Variants in PLEKHH2 observed in about 807,000 individuals in gnomAD.
The protein encoded by PLEKHH2 is pleckstrin homology domain-containing family H member 2.
A neutral mutation model predicts 187.9 loss-of-function variants in PLEKHH2; 129 were observed. That is an observed-to-expected ratio of 0.69 (90% CI 0.59 to 0.79). The LOEUF (loss-of-function observed/expected upper bound fraction) is 0.79, where lower values mean the gene tolerates loss of function less well. Among genes scored for constraint, PLEKHH2 ranks in the 30% least tolerant of loss-of-function variants. The pLI is 0.00. For missense variants in PLEKHH2, 2,076 were observed against 1,751.2 expected (o/e 1.19, Z -3.31); for synonymous variants, 686 against 605.6 (o/e 1.13, Z -1.95).
intron 2 of PLEKHH2, among the ~76,000 whole-genome samples, chr2:43,656,306 T>A (rs1407887657): frequency 1.3e-5 from 2 of 152,128 alleles, no homozygotes; most frequent in African/African-American, 4.8e-5. Context: ...ACAAAGCAAA[T>A]CTGTGTAATA....
intron 18 of PLEKHH2, 76 bp downstream of exon 18, chr2:43,729,821 T>C: frequency 1.1e-6 from 1 of 942,838 alleles, no homozygotes; most frequent in South Asian, 2.2e-5. Context: ...AATGGAGTTT[T>C]CACTTAATGG....
rs1672413900 is a variant in PLEKHH2 at position 43,761,156 on chromosome 2, A to G, written c.4072-1148A>G. ...CAGGGTTTTGTATATATGAGATGCT[A>G]GCAAGTTTTATTATATAAAATAACC... On this transcript the variant is annotated intron_variant, in intron 27 of 29. Coordinates refer to ENST00000282406, the MANE Select transcript of PLEKHH2 (RefSeq NM_172069.4). Among the ~76,000 whole-genome samples, 9 of 152,340 alleles carry G rather than the reference A, an allele frequency of 5.9e-5. No individual in the cohort carries two copies. The South Asian group carries it at 1.9e-3, about 32-fold the overall frequency.
At chr2:43,702,681 A>G (rs1181741802) in intron 8 of PLEKHH2, among the ~76,000 whole-genome samples, 1 of 152,064 alleles carries the variant, frequency 6.6e-6, no homozygotes, top group Non-Finnish European at 1.5e-5. Context: ...TTCAGGTTTC[A>G]AGGAAAAGAG....
At chr2:43,732,621 C>T (rs1440827981) in intron 19 of PLEKHH2, among the ~76,000 whole-genome samples, 1 of 152,196 alleles carries the variant, frequency 6.6e-6, no homozygotes, top group African/African-American at 2.4e-5. Flanking sequence ...GAATCCTAGC[C>T]TACAAGCTCT....
At chr2:43,637,765 G>A (rs1703183690) in intron 1 of PLEKHH2, among the ~76,000 whole-genome samples, 1 of 152,196 alleles carries the variant, frequency 6.6e-6, no homozygotes, top group Non-Finnish European at 1.5e-5. Context: ...CGCGCGGTCA[G>A]GGATGCCGCG....
chr2:43,693,432 A>G (rs1668920546), intron 4 of PLEKHH2, among the ~76,000 whole-genome samples: 1 of 152,204 alleles, frequency 6.6e-6, no homozygotes, highest in African/African-American at 2.4e-5. Context: ...TATTGGAATC[A>G]AGTAATCTAG....
intron 2 of PLEKHH2, among the ~76,000 whole-genome samples, chr2:43,670,532 A>T (rs62138791): frequency 6.6e-6 from 1 of 152,028 alleles, no homozygotes; most frequent in African/African-American, 2.4e-5. Flanking sequence ...TGTTCTATTC[A>T]TCTAATATGT....
In PLEKHH2 at chr2:43,700,005, G is replaced by A. The variant is rs759045219; in HGVS notation, c.1047G>A (p.Lys349=). ...TTGGCATAAAGAGACCAGAACACAA[G>A]AAGCTATATTCTTGGCAGCAGGAGG... ...ETFGIKRPEH[K]KLYSWQQEAQ... is the part of the protein sequence containing the mutation. The change falls in exon 8 of 30, where the codon AAG becomes AAA. Residue 349 remains lysine, a synonymous_variant. Transcript: ENST00000282406. 6.8e-6 allele frequency: 11 copies of A among 1,614,176 alleles called. No homozygotes were observed. The highest frequency in any genetic ancestry group is 9.3e-6 in the Non-Finnish European group (11 of 1,180,022).
At chr2:43,652,890 T>C (rs1459707353) in intron 2 of PLEKHH2, among the ~76,000 whole-genome samples, 1 of 152,092 alleles carries the variant, frequency 6.6e-6, no homozygotes, top group East Asian at 1.9e-4. Context: ...GGATAGTGCA[T>C]CCATGACACA....
intron 2 of PLEKHH2, among the ~76,000 whole-genome samples, chr2:43,646,359 C>G (rs113438927): frequency 3.9e-5 from 6 of 152,232 alleles, no homozygotes; most frequent in Middle Eastern, 3.4e-3. Context: ...TGATTTTTGT[C>G]AGGATCCACC....
intron 2 of PLEKHH2, among the ~76,000 whole-genome samples, chr2:43,660,628 C>A (rs1667025617): frequency 1.7e-5 from 2 of 118,396 alleles, no homozygotes; most frequent in South Asian, 3.2e-4. Context: ...CCTCCCCCCA[C>A]CCCACCACAG....
At chr2:43,760,786 C>T (rs1572673452) in intron 27 of PLEKHH2, among the ~76,000 whole-genome samples, 1 of 152,176 alleles carries the variant, frequency 6.6e-6, no homozygotes, top group East Asian at 1.9e-4. Flanking sequence ...TACCTAACTC[C>T]CCAGTCCTCC....
chr2:43,678,070 C>A (rs541030024), intron 2 of PLEKHH2, among the ~76,000 whole-genome samples: 4 of 150,868 alleles, frequency 2.7e-5, no homozygotes, highest in Admixed American at 1.3e-4. Flanking sequence ...ACCTCCCAGA[C>A]GGGGTCGCGG....
In PLEKHH2 at chr2:43,764,371, TA is replaced by T; in HGVS notation, c.4296+7del. 1.9e-6 allele frequency: 3 copies of T among 1,611,818 alleles called. No homozygotes were observed. The highest frequency in any genetic ancestry group is 2.5e-6 in the Non-Finnish European group (3 of 1,178,962). The stretch of plus-strand genomic sequence containing the variant: ...TTGCCATGGCAAAACCCAAGGTGAG[TA>T]GAAGCCTTTCTGCCAACTTTTTTGT... On this transcript the variant is annotated splice_region_variant and intron_variant, in intron 29 of 29. Coordinates refer to ENST00000282406, the MANE Select transcript of PLEKHH2 (RefSeq NM_172069.4).
intron 3 of PLEKHH2, chr2:43,680,717 TA>T (rs1204865340): frequency 2.4e-5 from 10 of 412,930 alleles, no homozygotes; most frequent in African/African-American, 2.1e-4. Flanking sequence ...GAAGGAAATT[TA>T]TCACTTGTAA....
chr2:43,761,991 A>G (rs78354019), intron 27 of PLEKHH2, among the ~76,000 whole-genome samples: 5,649 of 152,302 alleles, frequency 0.037, 148 homozygotes, highest in Non-Finnish European at 0.057. Flanking sequence ...TTAACGCAGA[A>G]GAAAAGTAAA....
At chr2:43,748,464 C>A (rs7570762) in intron 24 of PLEKHH2, among the ~76,000 whole-genome samples, 6,854 of 152,256 alleles carry the variant, frequency 0.045, 313 homozygotes, top group African/African-American at 0.11. Flanking sequence ...TAATCTGGAG[C>A]AGTAGTTCCC....
chr2:43,687,139 T>C (rs7581001), intron 3 of PLEKHH2, among the ~76,000 whole-genome samples: 90,275 of 152,014 alleles, frequency 0.59, 28,126 homozygotes, highest in African/African-American at 0.78. Flanking sequence ...AGCCCATGTC[T>C]CCGTCTCTTG....
intron 25 of PLEKHH2, among the ~76,000 whole-genome samples, chr2:43,756,149 A>G (rs1472076122): frequency 6.6e-6 from 1 of 152,068 alleles, no homozygotes; most frequent in Non-Finnish European, 1.5e-5. Flanking sequence ...GAAGGACTCT[A>G]TTCCCGGGAT....
Sources: allele counts gnomAD v4.1 joint callset (sites outside exome capture counted in the v4.1 genomes callset), GRCh38; gene constraint gnomAD v4.1.1; transcripts MANE v1.5; gene names NCBI Gene and HGNC (gene_info 2026-07-23, HGNC 2026-07-21).